The following NRXN3 variants were observed in gnomAD, a reference collection of about 807,000 sequenced individuals.
The protein encoded by NRXN3 is neurexin III.
Under a neutral mutation model 137.6 loss-of-function variants are expected in NRXN3, and 32 were observed. The ratio of observed to expected loss-of-function variants is 0.23; its 90% CI spans 0.18 to 0.31. The LOEUF is 0.31. NRXN3 is among the 10% of genes least tolerant of loss of function. The probability of loss-of-function intolerance (pLI) is 1.00; values close to 1 mark genes in which losing one functional copy is unlikely to be tolerated. For synonymous variants in NRXN3, 798 were observed against 784.5 expected, an observed-to-expected ratio of 1.02 and a Z score of -0.29; for missense variants, 1,574 against 2,062.5, an observed-to-expected ratio of 0.76 and a Z score of 4.59.
rs547423191 is a variant in NRXN3 at position 78,811,103 on chromosome 14, G to A, written c.2275+759G>A. Among the ~76,000 whole-genome samples, 54 of 152,320 alleles carry A rather than the reference G, an allele frequency of 3.5e-4. 1 individual carries two copies. The South Asian group carries it at 9.9e-3, about 28-fold the overall frequency. ...CACAAGAGAAAGAATAGGCCTAGATGATGAAAGGAACAAAGGAAGAAATAT... is the reference window on the plus strand; with the variant it reads ...CACAAGAGAAAGAATAGGCCTAGATAATGAAAGGAACAAAGGAAGAAATAT... On this transcript the variant is annotated intron_variant, in intron 10 of 20. Transcript: ENST00000335750.
intron 15 of NRXN3, among the ~76,000 whole-genome samples, chr14:79,428,986 G>C (rs2095701500): frequency 6.6e-6 from 1 of 152,152 alleles, no homozygotes; most frequent in African/African-American, 2.4e-5. Context: ...TATGAGAAAA[G>C]TGTGTTTTTA....
In NRXN3 at chr14:78,604,242, A is replaced by G. The variant is rs774388701; in HGVS notation, c.758-40878A>G. 7.9e-5 allele frequency among the ~76,000 whole-genome samples: 12 copies of G among 151,904 alleles called. No individual in the cohort carries two copies. In the South Asian group the frequency reaches 1.0e-3, roughly 13 times the overall value. On this transcript the variant is annotated intron_variant, in intron 4 of 20. Coordinates refer to ENST00000335750, the MANE Select transcript of NRXN3 (RefSeq NM_001330195.2). Reference sequence around the variant, plus strand: ...ACACTTGGGAATTATGGGAGCTACAATTCAAGATGAGATTTGGGTGGGGAC... The same window carrying G: ...ACACTTGGGAATTATGGGAGCTACAGTTCAAGATGAGATTTGGGTGGGGAC...
chr14:79,423,043 G>A (rs181946512), intron 15 of NRXN3, among the ~76,000 whole-genome samples: 3 of 152,240 alleles, frequency 2.0e-5, no homozygotes, highest in Non-Finnish European at 4.4e-5. Context: ...TTTTTAAACA[G>A]AATGGTATGG....
At chr14:78,206,846 C>A (rs1385705769) in intron 1 of NRXN3, among the ~76,000 whole-genome samples, 4 of 152,032 alleles carry the variant, frequency 2.6e-5, no homozygotes, top group African/African-American at 9.7e-5. Flanking sequence ...TCCTGTTTTG[C>A]CACATCGGAC....
intron 15 of NRXN3, among the ~76,000 whole-genome samples, chr14:79,299,287 G>A (rs1041837263): frequency 2.6e-5 from 4 of 151,866 alleles, no homozygotes; most frequent in African/African-American, 7.3e-5. Context: ...TGTAGAGGAC[G>A]AAATGTGAGC....
intron 15 of NRXN3, among the ~76,000 whole-genome samples, chr14:79,299,384 G>A (rs2084753318): frequency 6.6e-6 from 1 of 152,104 alleles, no homozygotes; most frequent in South Asian, 2.1e-4. Context: ...AAGGAAGAGA[G>A]TAAACATTTC....
intron 10 of NRXN3, among the ~76,000 whole-genome samples, chr14:78,924,365 A>G (rs2099279198): frequency 6.6e-6 from 1 of 152,230 alleles, no homozygotes; most frequent in Non-Finnish European, 1.5e-5. Context: ...CCAAACAACC[A>G]TGTAAAATAG....
At chr14:79,275,575 G>A (rs540801043) in intron 15 of NRXN3, among the ~76,000 whole-genome samples, 2 of 152,102 alleles carry the variant, frequency 1.3e-5, no homozygotes, top group Non-Finnish European at 2.9e-5. Flanking sequence ...GATTCCTGAT[G>A]CCTGACACAT....
chr14:78,252,954 C>T (rs2068882375), intron 2 of NRXN3, among the ~76,000 whole-genome samples: 1 of 152,210 alleles, frequency 6.6e-6, no homozygotes, highest in Non-Finnish European at 1.5e-5. Context: ...CACTCAGTTT[C>T]TTCCTTCCTC....
At chr14:78,872,084 C>T (rs2099102656) in intron 10 of NRXN3, among the ~76,000 whole-genome samples, 1 of 151,812 alleles carries the variant, frequency 6.6e-6, no homozygotes, top group Non-Finnish European at 1.5e-5. Context: ...GATTTTACTT[C>T]CATATTTCCA....
intron 2 of NRXN3, among the ~76,000 whole-genome samples, chr14:78,278,049 C>T (rs563111866): frequency 2.2e-4 from 33 of 152,292 alleles, no homozygotes; most frequent in Admixed American, 1.0e-3. Context: ...TGTGATGAAG[C>T]GTGGTCACTG....
intron 15 of NRXN3, among the ~76,000 whole-genome samples, chr14:79,369,501 G>T (rs563198153): frequency 6.6e-6 from 1 of 152,256 alleles, no homozygotes; most frequent in African/African-American, 2.4e-5. Context: ...TCACAGAAAG[G>T]CAAAGGTTTG....
chr14:78,181,396 GT>G lies in NRXN3; in HGVS notation c.-704+10723del, dbSNP rs200578877. On this transcript the variant is annotated intron_variant, in intron 1 of 20. Transcript: ENST00000335750. Reference sequence around the variant, plus strand: ...CTCCTTTGTTCCATGCACTTGTGAAGTCCTCTTTCCTTGGAAGGGAGTGCAG... The same window carrying G: ...CTCCTTTGTTCCATGCACTTGTGAAGCCTCTTTCCTTGGAAGGGAGTGCAG... Among the ~76,000 whole-genome samples, 146 of 152,308 alleles carry G rather than the reference GT, an allele frequency of 9.6e-4. No homozygotes were observed. In the East Asian group the frequency reaches 0.02, roughly 21 times the overall value.
rs532113240 is a variant in NRXN3 at position 78,787,052 on chromosome 14, A to G, written c.2045-16568A>G. ...ACAAGAAACTGATTTTACTTTAATC[A>G]GTTTATCAGACTTCTTAAATTTTCT... On this transcript the variant is annotated intron_variant, in intron 8 of 20. Transcript: ENST00000335750. Among the ~76,000 whole-genome samples, 3 of 152,288 alleles carry G rather than the reference A, an allele frequency of 2.0e-5. No homozygotes were observed. The East Asian group carries it at 5.8e-4, about 29-fold the overall frequency.
At chr14:78,292,214 C>T (rs967429399) in intron 3 of NRXN3, among the ~76,000 whole-genome samples, 21 of 152,230 alleles carry the variant, frequency 1.4e-4, no homozygotes, top group African/African-American at 5.1e-4. Context: ...ACTTTGCTTT[C>T]ATAGCCATTT....
At chr14:79,823,118 G>GTAGATCACA (rs537437980) in intron 20 of NRXN3, among the ~76,000 whole-genome samples, 2 of 150,212 alleles carry the variant, frequency 1.3e-5, no homozygotes, top group South Asian at 4.3e-4. Flanking sequence ...AATAAGGCAT[G>GTAGATCACA]TGATCTACAT....
At chr14:78,836,186 A>G (rs1404535875) in intron 10 of NRXN3, among the ~76,000 whole-genome samples, 1 of 152,228 alleles carries the variant, frequency 6.6e-6, no homozygotes, top group Non-Finnish European at 1.5e-5. Context: ...TCCAGAACAC[A>G]GAGACTTAGG....
chr14:78,854,630 A>G (rs998099598), intron 10 of NRXN3, among the ~76,000 whole-genome samples: 3 of 152,220 alleles, frequency 2.0e-5, no homozygotes, highest in Non-Finnish European at 4.4e-5. Flanking sequence ...GTGAGTGTGT[A>G]TAATAGAGGC....
intron 4 of NRXN3, among the ~76,000 whole-genome samples, chr14:78,487,302 T>A (rs1048906538): frequency 6.6e-6 from 1 of 152,158 alleles, no homozygotes; most frequent in Non-Finnish European, 1.5e-5. Flanking sequence ...TCATTGCAAC[T>A]CTGGAGGAGG....
Sources: gnomAD v4.1 joint callset for allele counts (sites outside exome capture counted in the v4.1 genomes callset) on GRCh38, gnomAD v4.1.1 for gene constraint, MANE v1.5 for transcripts, NCBI Gene and HGNC (gene_info 2026-07-23, HGNC 2026-07-21) for gene names.